Variants in AUTS2 observed in about 807,000 individuals in gnomAD.
AUTS2 encodes autism susceptibility gene 2 protein.
In AUTS2, 17 loss-of-function variants were observed where a neutral mutation model predicts 112.4. The observed-to-expected ratio is 0.15, with a 90% CI of 0.10 to 0.23. The LOEUF is 0.23. Ranked by LOEUF, AUTS2 falls within the 10% of genes least tolerant of loss-of-function variation. AUTS2 has a pLI of 1.00. For missense variants in AUTS2, 1,510 were observed against 1,701.6 expected (o/e 0.89, Z 1.98); for synonymous variants, 751 against 702.7 (o/e 1.07, Z -1.09).
chr7:70,659,309 C>A (rs1806942621), intron 5 of AUTS2, among the ~76,000 whole-genome samples: 1 of 152,196 alleles, frequency 6.6e-6, no homozygotes, highest in Non-Finnish European at 1.5e-5. Context: ...ACATACTAAA[C>A]CTGGGCCCTG....
intron 4 of AUTS2, among the ~76,000 whole-genome samples, chr7:70,276,246 G>A (rs953131864): frequency 6.6e-6 from 1 of 151,996 alleles, no homozygotes; most frequent in Non-Finnish European, 1.5e-5. Flanking sequence ...AATATTCAAC[G>A]ATTTCTCAGA....
chr7:70,066,558 T>C lies in AUTS2; in HGVS notation c.523-51574T>C, dbSNP rs867740872. ...CAGTAAATTTTTTTTTTTTTTTTTTTCAAACAGAGTCTTGCTCTGTCACCC... is the reference window on the plus strand; with the variant it reads ...CAGTAAATTTTTTTTTTTTTTTTTTCCAAACAGAGTCTTGCTCTGTCACCC... On this transcript the variant is annotated intron_variant, in intron 2 of 18. Coordinates refer to ENST00000342771, the MANE Select transcript of AUTS2 (RefSeq NM_015570.4). Among the ~76,000 whole-genome samples the C allele has an allele frequency of 5.3e-3, 795 of 151,310 alleles. 8 individuals are homozygous for C. Among genetic ancestry groups the C allele is most frequent in the African/African-American group, 0.019 (761 of 41,132 alleles).
intron 1 of AUTS2, among the ~76,000 whole-genome samples, chr7:69,689,343 ATTTTT>A (rs530444257): frequency 0.082 from 8,397 of 102,076 alleles, 183 homozygotes; most frequent in African/African-American, 0.16. Flanking sequence ...TAATTAATTA[ATTTTT>A]TTTTTTTTTT....
At chr7:70,297,241 G>A in intron 4 of AUTS2, among the ~76,000 whole-genome samples, 1 of 151,526 alleles carries the variant, frequency 6.6e-6, no homozygotes, top group East Asian at 1.9e-4. Flanking sequence ...CTTATCTTAA[G>A]TTTAGGAAAG....
At chr7:69,841,647 A>G (rs1791985444) in intron 1 of AUTS2, among the ~76,000 whole-genome samples, 1 of 152,244 alleles carries the variant, frequency 6.6e-6, no homozygotes, top group African/African-American at 2.4e-5. Flanking sequence ...TCAAAAAGCC[A>G]GTGTCGTGAA....
intron 1 of AUTS2, among the ~76,000 whole-genome samples, chr7:69,812,020 T>G (rs1790566419): frequency 1.3e-5 from 2 of 152,206 alleles, no homozygotes; most frequent in South Asian, 4.1e-4. Flanking sequence ...GAATTTTGGC[T>G]TACTGGATTT....
At chr7:70,747,863 C>T (rs1364127957) in intron 6 of AUTS2, among the ~76,000 whole-genome samples, 1 of 151,272 alleles carries the variant, frequency 6.6e-6, no homozygotes, top group Non-Finnish European at 1.5e-5. Flanking sequence ...GCTCTGTCGC[C>T]CAGGCTGGAG....
At chr7:69,871,557 A>G (rs1469198748) in intron 1 of AUTS2, among the ~76,000 whole-genome samples, 1 of 152,216 alleles carries the variant, frequency 6.6e-6, no homozygotes, top group Non-Finnish European at 1.5e-5. Flanking sequence ...AACTAAAACA[A>G]CAGTTATTAA....
At chr7:70,220,829 C>G (rs1470132123) in intron 4 of AUTS2, among the ~76,000 whole-genome samples, 1 of 152,194 alleles carries the variant, frequency 6.6e-6, no homozygotes, top group Non-Finnish European at 1.5e-5. Flanking sequence ...ATGAAAATTT[C>G]AAACATATAG....
chr7:70,094,545 C>T (rs1312320789), intron 2 of AUTS2, among the ~76,000 whole-genome samples: 2 of 152,138 alleles, frequency 1.3e-5, no homozygotes, highest in Non-Finnish European at 2.9e-5. Context: ...CATCCCAATG[C>T]GAGTAGTAAA....
At chr7:70,359,583 T>C (rs1366425172) in intron 4 of AUTS2, among the ~76,000 whole-genome samples, 1 of 152,146 alleles carries the variant, frequency 6.6e-6, no homozygotes, top group South Asian at 2.1e-4. Context: ...GCGCCCTTGC[T>C]TTATCTCAGC....
At chr7:70,439,354 A>G (rs978652448) in intron 5 of AUTS2, among the ~76,000 whole-genome samples, 5 of 152,110 alleles carry the variant, frequency 3.3e-5, no homozygotes, top group Admixed American at 6.5e-5. Flanking sequence ...CCTGACCAAC[A>G]TAGTGAAACC....
At chr7:70,171,293 A>C (rs899818917) in intron 4 of AUTS2, among the ~76,000 whole-genome samples, 1 of 152,216 alleles carries the variant, frequency 6.6e-6, no homozygotes, top group African/African-American at 2.4e-5. Context: ...GTCACAGTGG[A>C]AGCGAATTCT....
At chr7:70,691,796 T>A (rs1808766807) in intron 5 of AUTS2, among the ~76,000 whole-genome samples, 1 of 151,526 alleles carries the variant, frequency 6.6e-6, no homozygotes, top group African/African-American at 2.4e-5. Flanking sequence ...TGATGAGAGA[T>A]CATCAAAAGA....
intron 6 of AUTS2, among the ~76,000 whole-genome samples, chr7:70,717,225 C>G (rs1810430842): frequency 6.6e-6 from 1 of 151,790 alleles, no homozygotes; most frequent in Admixed American, 6.6e-5. Flanking sequence ...TTTTAATTTT[C>G]TATGGAGACA....
intron 11 of AUTS2, among the ~76,000 whole-genome samples, 184 bp downstream of exon 11, chr7:70,771,828 G>T (rs780400760): frequency 5.9e-5 from 9 of 152,120 alleles, no homozygotes; most frequent in Non-Finnish European, 1.2e-4. Flanking sequence ...TTAAATGGCC[G>T]TGAAAATTTA....
intron 1 of AUTS2, among the ~76,000 whole-genome samples, chr7:69,616,112 G>A (rs1445625129): frequency 2.0e-5 from 3 of 152,182 alleles, no homozygotes; most frequent in Admixed American, 6.5e-5. Flanking sequence ...CAGTATTGCA[G>A]CCAGTTGGCT....
chr7:70,150,806 G>A (rs1174005680), intron 4 of AUTS2, among the ~76,000 whole-genome samples: 1 of 152,048 alleles, frequency 6.6e-6, no homozygotes, highest in South Asian at 2.1e-4. Context: ...GGTGATAATA[G>A]GAATCTAAAG....
At chr7:70,759,998 A>G (rs1789455704) in intron 6 of AUTS2, among the ~76,000 whole-genome samples, 1 of 152,118 alleles carries the variant, frequency 6.6e-6, no homozygotes, top group South Asian at 2.1e-4. Flanking sequence ...AAACAGAGTA[A>G]TACAAAAAGA....
Sources: allele counts gnomAD v4.1 joint callset (sites outside exome capture counted in the v4.1 genomes callset), GRCh38; gene constraint gnomAD v4.1.1; transcripts MANE v1.5; gene names NCBI Gene and HGNC (gene_info 2026-07-23, HGNC 2026-07-21).